The following SNX2 variants were observed in gnomAD, a reference collection of about 807,000 sequenced individuals.
SNX2 encodes sorting nexin-2.
In SNX2, 25 loss-of-function variants were observed where a neutral mutation model predicts 69.9. The ratio of observed to expected loss-of-function variants is 0.36; its 90% CI spans 0.26 to 0.50. SNX2 has a LOEUF of 0.50. Among genes scored for constraint, SNX2 ranks in the 20% least tolerant of loss-of-function variants. SNX2 has a pLI of 0.97. For synonymous variants in SNX2, 229 were observed against 200.4 expected, an observed-to-expected ratio of 1.14 and a Z score of -1.20; for missense variants, 551 against 613.3, an observed-to-expected ratio of 0.90 and a Z score of 1.07.
intron 11 of SNX2, 92 bp downstream of exon 11, chr5:122,819,115 C>T (rs889736170): frequency 4.1e-5 from 39 of 949,038 alleles, no homozygotes; most frequent in Non-Finnish European, 5.9e-5. Context: ...GTCTAAATTC[C>T]TCCTATACTA....
rs768817666 is a variant in SNX2 at position 122,834,110 on chromosome 5, G to A, written c.*4462G>A. On this transcript the variant is annotated 3_prime_UTR_variant, in exon 15 of 15. Transcript: ENST00000379516. Reference sequence around the variant, plus strand: ...CCATATGTGAACATTCTTTGAAAATGTATGATAAGCATTTCAAGATTTCTG... The same window carrying A: ...CCATATGTGAACATTCTTTGAAAATATATGATAAGCATTTCAAGATTTCTG... The A allele has an allele frequency of 1.4e-4, 22 of 152,170 alleles. No homozygotes were observed. The highest frequency in any genetic ancestry group is 2.5e-4 in the Non-Finnish European group (17 of 68,016). The allele number at this position is 152,170 out of a possible 1,614,324, so 9.4% of individuals were successfully genotyped here. A position where few individuals can be genotyped will look rare whatever the true frequency, so the allele number is the denominator to read the frequency against.
At position 122,831,569 on chromosome 5, in the gene SNX2, C is replaced by G. The variant is rs992441077; in HGVS notation, c.*1921C>G. Among the ~76,000 whole-genome samples, 2 of 152,166 alleles carry G rather than the reference C, an allele frequency of 1.3e-5. No individual in the cohort carries two copies. Among genetic ancestry groups the G allele is most frequent in the African/African-American group, 4.8e-5 (2 of 41,450 alleles). ...AAAAGAAACTGAAGCAGAAATAGTACAATCATCTTTTGTTGCTTCTGGGAA... is the reference window on the plus strand; with the variant it reads ...AAAAGAAACTGAAGCAGAAATAGTAGAATCATCTTTTGTTGCTTCTGGGAA... On this transcript the variant is annotated 3_prime_UTR_variant, in exon 15 of 15. Coordinates refer to ENST00000379516, the MANE Select transcript of SNX2 (RefSeq NM_003100.4).
At chr5:122,791,050 T>G (rs1441517109) in intron 1 of SNX2, among the ~76,000 whole-genome samples, 1 of 152,188 alleles carries the variant, frequency 6.6e-6, no homozygotes, top group Non-Finnish European at 1.5e-5. Context: ...TACTGAAAGT[T>G]TTTTATCATT....
chr5:122,811,345 T>G (rs542848066), intron 7 of SNX2, among the ~76,000 whole-genome samples: 1 of 152,242 alleles, frequency 6.6e-6, no homozygotes, highest in African/African-American at 2.4e-5. Flanking sequence ...TTCTTGAGAG[T>G]GCTTCAGATC....
Position 122,783,167 on chromosome 5 carries a change from G to C in SNX2, c.108+7956G>C, listed in dbSNP as rs566126369. On this transcript the variant is annotated intron_variant, in intron 1 of 14. Coordinates refer to ENST00000379516, the MANE Select transcript of SNX2 (RefSeq NM_003100.4). ...TCATAATGTTAGCCAGGATGGTCTC[G>C]ATCTCTTGACCTCGTGATCCACCCA... 3.3e-5 allele frequency among the ~76,000 whole-genome samples: 5 copies of C among 150,854 alleles called. No individual in the cohort carries two copies. In the East Asian group the frequency reaches 5.8e-4, roughly 18 times the overall value.
intron 1 of SNX2, among the ~76,000 whole-genome samples, chr5:122,786,782 T>C (rs1037638061): frequency 3.3e-5 from 5 of 152,182 alleles, no homozygotes; most frequent in Non-Finnish European, 7.3e-5. Context: ...TTTATTTTTA[T>C]ATTGTTGCTT....
At chr5:122,827,351 G>A (rs1013463350) in intron 12 of SNX2, 28 bp from the exon 13 acceptor site, 56 of 1,579,238 alleles carry the variant, frequency 3.5e-5, no homozygotes, top group Non-Finnish European at 4.8e-5. Context: ...TTTGAGATAA[G>A]CATAAAATAT....
chr5:122,782,964 G>GTC (rs1753009733), intron 1 of SNX2, among the ~76,000 whole-genome samples: 2 of 150,548 alleles, frequency 1.3e-5, no homozygotes, highest in South Asian at 4.2e-4. Context: ...TTGAGATGGA[G>GTC]TCTCGCTCTG....
In SNX2 at chr5:122,802,230, C is replaced by T; in HGVS notation, c.501+106C>T. 4 of 985,812 alleles carry T rather than the reference C, an allele frequency of 4.1e-6. No individual in the cohort carries two copies. In the South Asian group the frequency reaches 5.4e-5, roughly 13 times the overall value. The allele number at this position is 985,812 out of a possible 1,614,324, so 61.1% of individuals were successfully genotyped here. ...GTGATCCCTGTCTTTATAAAGGTTACCACCTAATAAAGATTGCCAAGAAGT... is the reference window on the plus strand; with the variant it reads ...GTGATCCCTGTCTTTATAAAGGTTATCACCTAATAAAGATTGCCAAGAAGT... On this transcript the variant is annotated intron_variant, in intron 5 of 14. Coordinates refer to ENST00000379516, the MANE Select transcript of SNX2 (RefSeq NM_003100.4).
chr5:122,796,583 T>C (rs1448709941), intron 2 of SNX2, among the ~76,000 whole-genome samples: 2 of 152,226 alleles, frequency 1.3e-5, no homozygotes, highest in Non-Finnish European at 2.9e-5. Flanking sequence ...TTCCAGGCAA[T>C]CTTTCAAAGT....
intron 1 of SNX2, among the ~76,000 whole-genome samples, chr5:122,776,196 C>A (rs900361968): frequency 6.6e-6 from 1 of 152,102 alleles, no homozygotes; most frequent in East Asian, 1.9e-4. Flanking sequence ...GCTTTCTTGG[C>A]TTGTTTAACT....
chr5:122,775,238 C>A, intron 1 of SNX2, 27 bp downstream of exon 1: 1 of 1,532,438 alleles, frequency 6.5e-7, no homozygotes, highest in Non-Finnish European at 8.8e-7. Flanking sequence ...GCGGGTGCTG[C>A]GCTGCGTAGC....
chr5:122,820,207 G>A (rs935296512), intron 11 of SNX2, among the ~76,000 whole-genome samples: 9 of 152,206 alleles, frequency 5.9e-5, no homozygotes, highest in African/African-American at 9.6e-5. Context: ...CAACAAACCC[G>A]TGGGTCAAAA....
At chr5:122,815,156 G>A (rs1275648062) in intron 7 of SNX2, among the ~76,000 whole-genome samples, 1 of 152,168 alleles carries the variant, frequency 6.6e-6, no homozygotes, top group Non-Finnish European at 1.5e-5. Flanking sequence ...TGGGTGACAG[G>A]CACATGTGAG....
intron 1 of SNX2, among the ~76,000 whole-genome samples, chr5:122,778,077 G>A (rs549370070): frequency 7.9e-5 from 12 of 152,278 alleles, no homozygotes; most frequent in African/African-American, 2.9e-4. Flanking sequence ...TGCAGTATTT[G>A]TCTTTCTGTG....
chr5:122,797,033 T>C (rs1002967976), intron 2 of SNX2, among the ~76,000 whole-genome samples: 3 of 152,196 alleles, frequency 2.0e-5, no homozygotes, highest in Non-Finnish European at 4.4e-5. Context: ...GCACAAATAA[T>C]TCTCCAACCC....
At chr5:122,806,411 A>C (rs1753659536) in intron 6 of SNX2, among the ~76,000 whole-genome samples, 1 of 152,076 alleles carries the variant, frequency 6.6e-6, no homozygotes, top group Non-Finnish European at 1.5e-5. Context: ...GCATGGAAAA[A>C]GAGTCATAAC....
chr5:122,789,992 A>G (rs1753192545), intron 1 of SNX2, among the ~76,000 whole-genome samples: 3 of 152,222 alleles, frequency 2.0e-5, no homozygotes, highest in African/African-American at 7.2e-5. Context: ...AATAAACATT[A>G]TATCACAGTT....
At position 122,790,873 on chromosome 5, in the gene SNX2, T is replaced by C. The variant is rs148829748; in HGVS notation, c.109-4393T>C. ...TACTTCCTTTTCTTGTCTTTTTGCATGCAGCTAGAACTTTCAGTATGATGT... is the reference window on the plus strand; with the variant it reads ...TACTTCCTTTTCTTGTCTTTTTGCACGCAGCTAGAACTTTCAGTATGATGT... On this transcript the variant is annotated intron_variant, in intron 1 of 14. Coordinates refer to ENST00000379516, the MANE Select transcript of SNX2 (RefSeq NM_003100.4). 3.8e-3 allele frequency among the ~76,000 whole-genome samples: 580 copies of C among 152,302 alleles called. 7 individuals are homozygous for C. The highest frequency in any genetic ancestry group is 0.013 in the African/African-American group (552 of 41,560).
Sources: allele counts gnomAD v4.1 joint callset (sites outside exome capture counted in the v4.1 genomes callset), GRCh38; gene constraint gnomAD v4.1.1; transcripts MANE v1.5; gene names NCBI Gene and HGNC (gene_info 2026-07-23, HGNC 2026-07-21).